The following F5 variants were observed in gnomAD, a reference collection of about 807,000 sequenced individuals.
The protein encoded by F5 is activated protein c cofactor.
In F5, 138 loss-of-function variants were observed where a neutral mutation model predicts 216.4. The observed-to-expected ratio is 0.64, with a 90% CI of 0.56 to 0.73. F5 has a LOEUF of 0.73. F5 is among the 30% of genes least tolerant of loss of function. F5 has a pLI of 0.00. For synonymous variants in F5, 916 were observed against 930.7 expected (o/e 0.98, Z 0.29); for missense variants, 2,403 against 2,674.0 (o/e 0.90, Z 2.24).
intron 2 of F5, among the ~76,000 whole-genome samples, chr1:169,578,393 G>C (rs1417639427): frequency 6.6e-6 from 1 of 152,170 alleles, no homozygotes; most frequent in Admixed American, 6.5e-5. Context: ...CATCTGAAAG[G>C]ACTTTGATCA....
intron 11 of F5, among the ~76,000 whole-genome samples, chr1:169,546,180 TACACACAC>T (rs3835453): frequency 3.5e-5 from 5 of 141,108 alleles, no homozygotes; most frequent in Non-Finnish European, 7.8e-5. Context: ...TATGTCTGTG[TACACACAC>T]ACACACACAC....
At position 169,536,692 on chromosome 1, in the gene F5, ATAC is replaced by A. The variant is rs977518708; in HGVS notation, c.4797-15_4797-13del. 1.9e-6 allele frequency: 3 copies of A among 1,594,004 alleles called. No individual in the cohort carries two copies. The highest frequency in any genetic ancestry group is 2.7e-5 in the African/African-American group (2 of 74,544). On this transcript the variant is annotated splice_polypyrimidine_tract_variant and intron_variant, in intron 13 of 24. Transcript: ENST00000367797. Reference sequence around the variant, plus strand: ...CAATATCTGTTTCCCTGAAATAATAATACTATTTGTGTAAAAGAAGAAATTAAA... The same window carrying A: ...CAATATCTGTTTCCCTGAAATAATAATATTTGTGTAAAAGAAGAAATTAAA...
In F5 at chr1:169,515,731, C is replaced by T. The variant is rs147157282; in HGVS notation, c.6346-105G>A. ...GCACAGAGCTCAAAAGGATTTTGTT[C>T]TATCTTATCCCTTAGGATTCACAGT... On this transcript the variant is annotated intron_variant, in intron 23 of 24. Coordinates refer to ENST00000367797, the MANE Select transcript of F5 (RefSeq NM_000130.5). 958 of 1,131,282 alleles carry T rather than the reference C, an allele frequency of 8.5e-4. 8 individuals carry two copies. The African/African-American group carries it at 0.012, about 15-fold the overall frequency. The allele number at this position is 1,131,282 out of a possible 1,614,324, so 70.1% of individuals were successfully genotyped here. A position where few individuals can be genotyped will look rare whatever the true frequency, so the allele number is the denominator to read the frequency against.
At chr1:169,515,717 A>C in intron 23 of F5, 91 bp from the exon 24 acceptor site, 1 of 1,340,878 alleles carries the variant, frequency 7.5e-7, no homozygotes, top group Non-Finnish European at 1.0e-6. Context: ...CACAGAGCTC[A>C]AAAGGATTTT....
chr1:169,551,160 T>A (rs764211922), intron 8 of F5, among the ~76,000 whole-genome samples: 10 of 152,128 alleles, frequency 6.6e-5, no homozygotes, highest in Non-Finnish European at 1.3e-4. Context: ...TTTGAAGTCA[T>A]CTTCTCAGCT....
chr1:169,543,270 C>T (rs1659914903), intron 12 of F5, among the ~76,000 whole-genome samples, 156 bp from the exon 13 acceptor site: 1 of 152,132 alleles, frequency 6.6e-6, no homozygotes, highest in South Asian at 2.1e-4. Flanking sequence ...CTATTGATTA[C>T]TGGGTCAAAA....
chr1:169,582,597 C>T, intron 1 of F5, 75 bp from the exon 2 acceptor site: 1 of 764,136 alleles, frequency 1.3e-6, no homozygotes, highest in Non-Finnish European at 2.2e-6. Flanking sequence ...AAAAGTAGAT[C>T]TCTCATATCT....
chr1:169,579,649 C>T (rs1250687177), intron 2 of F5, among the ~76,000 whole-genome samples: 2 of 152,180 alleles, frequency 1.3e-5, no homozygotes, highest in African/African-American at 4.8e-5. Context: ...GCTGTTCAAA[C>T]CAGACACCTT....
At chr1:169,539,903 G>A (rs568238800) in intron 13 of F5, among the ~76,000 whole-genome samples, 33 of 152,140 alleles carry the variant, frequency 2.2e-4, no homozygotes, top group South Asian at 6.2e-4. Context: ...AATGCAAAAA[G>A]GAGATTTCTA....
At chr1:169,551,984 A>G (rs1296060140) in intron 8 of F5, among the ~76,000 whole-genome samples, 1 of 152,202 alleles carries the variant, frequency 6.6e-6, no homozygotes, top group African/African-American at 2.4e-5. Context: ...GTTTACTGTT[A>G]TATCTTAGCT....
At chr1:169,516,982 T>C (rs142446309) in intron 23 of F5, among the ~76,000 whole-genome samples, 56 of 152,318 alleles carry the variant, frequency 3.7e-4, no homozygotes, top group African/African-American at 1.2e-3. Context: ...GACAAGGTTA[T>C]ACCATGAACA....
At position 169,555,276 on chromosome 1, in the gene F5, C is replaced by T; in HGVS notation, c.1024G>A (p.Glu342Lys). Residue 342 changes from glutamate (E) to lysine (K), a missense_variant, in exon 7 of 25, where the codon GAG becomes AAG. This residue lies in a region of F5 where 1,425 missense variants were observed against 1,554.8 expected (regional missense o/e 0.92). Coordinates refer to ENST00000367797, the MANE Select transcript of F5 (RefSeq NM_000130.5). ...CACCTCTTCATGTGCCGCCTCTGCT[C>T]ACGAGTTATTTTCTTAAGATTCCTG... ...KTRNLKKITR[E>K]QRRHMKRWEY... 1 of 1,614,100 alleles carries T rather than the reference C, an allele frequency of 6.2e-7. No individual in the cohort carries two copies. The highest frequency in any genetic ancestry group is 2.2e-5 in the East Asian group (1 of 44,870).
chr1:169,560,898 T>C, intron 3 of F5, 132 bp from the exon 4 acceptor site: 1 of 772,738 alleles, frequency 1.3e-6, no homozygotes. Context: ...ACTTTTATTA[T>C]TTGGAAAGAT....
chr1:169,586,318 G>A lies in F5; in HGVS notation c.69C>T (p.Ser23=). The change falls in exon 1 of 25, where the codon AGC becomes AGT. Residue 23 remains serine (S), a synonymous_variant. Transcript: ENST00000367797. ...VLGTSWVGWG[S]QGTEAAQLRQ... is the part of the protein sequence containing the mutation. ...TTAGCTGTGCCGCTTCTGTCCCTTG[G>A]CTCCCCCAGCCTACCCAGCTGGTGC... The A allele has an allele frequency of 6.2e-7, 1 of 1,614,012 alleles. No individual in the cohort carries two copies. Among genetic ancestry groups the A allele is most frequent in the Non-Finnish European group, 8.5e-7 (1 of 1,180,004 alleles).
intron 3 of F5, among the ~76,000 whole-genome samples, chr1:169,565,728 T>C (rs2040443): frequency 0.38 from 57,085 of 151,982 alleles, 10,953 homozygotes; most frequent in Admixed American, 0.42. Flanking sequence ...GATGATCAGT[T>C]CTTACTGGAC....
chr1:169,559,102 A>C (rs756421757), intron 5 of F5, 51 bp downstream of exon 5: 24 of 1,610,574 alleles, frequency 1.5e-5, no homozygotes, highest in Non-Finnish European at 2.0e-5. Context: ...CAGGACCGAA[A>C]AATTACTAAT....
At chr1:169,521,964 A>G (rs1659320854) in intron 21 of F5, among the ~76,000 whole-genome samples, 1 of 152,064 alleles carries the variant, frequency 6.6e-6, no homozygotes, top group Non-Finnish European at 1.5e-5. Flanking sequence ...AGATTCACAC[A>G]AAAAAGAAAG....
At position 169,530,910 on chromosome 1, in the gene F5, T is replaced by C. The variant is rs1371994052; in HGVS notation, c.5084A>G (p.Lys1695Arg). ...ATTTGGCTGAACAGCATTATCTTCC[T>C]TAAACCATTCAGGAGAGTCATCTTC... ...TYEDDSPEWF[K>R]EDNAVQPNSS... The change falls in exon 15 of 25, where the codon AAG becomes AGG. Residue 1695 changes from lysine (K) to arginine (R), a missense_variant. Lys to Arg is a conservative substitution (Grantham distance 26, BLOSUM62 2). This residue lies in a region of F5 where 659 missense variants were observed against 787.9 expected (regional missense o/e 0.84). Transcript: ENST00000367797. The C allele has an allele frequency of 1.2e-6, 2 of 1,613,850 alleles. No individual in the cohort carries two copies. The highest frequency in any genetic ancestry group is 1.7e-5 in the Admixed American group (1 of 59,988).
chr1:169,575,239 G>A lies in F5; in HGVS notation c.251-2896C>T, dbSNP rs116303751. ...ATTCTAAAAAGTTAGAGTAGCGTGCGCAAAGGCCCTGAGGTGCCAGAAAAT... is the reference window on the plus strand; with the variant it reads ...ATTCTAAAAAGTTAGAGTAGCGTGCACAAAGGCCCTGAGGTGCCAGAAAAT... On this transcript the variant is annotated intron_variant, in intron 2 of 24. Transcript: ENST00000367797. 6.6e-5 allele frequency among the ~76,000 whole-genome samples: 10 copies of A among 152,274 alleles called. 1 individual carries two copies. Among genetic ancestry groups the A allele is most frequent in the Non-Finnish European group, 1.5e-4 (10 of 68,018 alleles).
Sources: gnomAD v4.1 joint callset for allele counts (sites outside exome capture counted in the v4.1 genomes callset) on GRCh38, gnomAD v4.1.1 for gene constraint, gnomAD v4.1.1 regional missense constraint, MANE v1.5 for transcripts, NCBI Gene and HGNC (gene_info 2026-07-23, HGNC 2026-07-21) for gene names.